The following NRG1 variants were observed in gnomAD, a reference collection of about 807,000 sequenced individuals.
NRG1 encodes the protein pro-neuregulin-1, membrane-bound isoform.
A neutral mutation model predicts 63.8 loss-of-function variants in NRG1; 18 were observed. The observed-to-expected ratio is 0.28, with a 90% CI of 0.19 to 0.42. The LOEUF is 0.42. NRG1 is among the 10% of genes least tolerant of loss of function. The pLI is 1.00. For synonymous variants in NRG1, 302 were observed against 301.3 expected, an observed-to-expected ratio of 1.00 and a Z score of -0.02; for missense variants, 762 against 814.7, an observed-to-expected ratio of 0.94 and a Z score of 0.79.
intron 1 of NRG1, among the ~76,000 whole-genome samples, chr8:32,395,613 T>TTG (rs1436313366): frequency 2.0e-5 from 3 of 152,102 alleles, no homozygotes; most frequent in Non-Finnish European, 4.4e-5. Flanking sequence ...TATAACTTTT[T>TTG]TTTTTTTTAC....
At chr8:31,797,563 A>T (rs1234599003) in intron 1 of NRG1, among the ~76,000 whole-genome samples, 2 of 152,236 alleles carry the variant, frequency 1.3e-5, no homozygotes, top group Non-Finnish European at 2.9e-5. Flanking sequence ...GGCTTCTCAA[A>T]AGGCTAAAAA....
chr8:32,560,359 G>A (rs2129526775), intron 1 of NRG1, among the ~76,000 whole-genome samples: 1 of 152,194 alleles, frequency 6.6e-6, no homozygotes, highest in South Asian at 2.1e-4. Flanking sequence ...CATAAATGCA[G>A]AGTTTAGCAT....
intron 1 of NRG1, among the ~76,000 whole-genome samples, chr8:32,385,119 A>C (rs1810832773): frequency 6.6e-6 from 1 of 152,098 alleles, no homozygotes; most frequent in Admixed American, 6.5e-5. Flanking sequence ...TCCCAGGTGC[A>C]TGCCATTCTC....
At chr8:32,168,152 C>T (rs188599098) in intron 1 of NRG1, among the ~76,000 whole-genome samples, 13 of 152,088 alleles carry the variant, frequency 8.5e-5, no homozygotes, top group Middle Eastern at 3.4e-3. Flanking sequence ...AGTGATGGGC[C>T]GGCATCATGG....
intron 1 of NRG1, among the ~76,000 whole-genome samples, chr8:32,376,550 A>G (rs1310736770): frequency 6.6e-6 from 1 of 152,170 alleles, no homozygotes; most frequent in Non-Finnish European, 1.5e-5. Flanking sequence ...TTTGGAATGG[A>G]GTTTATTGCC....
intron 11 of NRG1, chr8:32,763,152 C>G (rs1015664444): frequency 4.6e-6 from 7 of 1,517,040 alleles, no homozygotes; most frequent in East Asian, 2.3e-5. Context: ...AAATGAAAAG[C>G]ACACAAATGT....
chr8:32,034,681 G>T (rs1384080105), intron 1 of NRG1, among the ~76,000 whole-genome samples: 2 of 152,140 alleles, frequency 1.3e-5, no homozygotes, highest in Non-Finnish European at 2.9e-5. Context: ...TCTTGGGAGG[G>T]TGTATGTATC....
chr8:32,327,672 GT>G (rs1289569670), intron 1 of NRG1, among the ~76,000 whole-genome samples: 1 of 152,134 alleles, frequency 6.6e-6, no homozygotes, highest in Non-Finnish European at 1.5e-5. Context: ...TTCTTGTTTT[GT>G]TTTGTTGTTT....
chr8:32,151,276 G>C (rs1249607746), intron 1 of NRG1, among the ~76,000 whole-genome samples: 1 of 152,118 alleles, frequency 6.6e-6, no homozygotes, highest in Non-Finnish European at 1.5e-5. Context: ...GAAAATGTTT[G>C]AGATAAAGGC....
At chr8:31,684,404 G>C (rs1808650904) in intron 1 of NRG1, among the ~76,000 whole-genome samples, 1 of 152,164 alleles carries the variant, frequency 6.6e-6, no homozygotes, top group South Asian at 2.1e-4. Flanking sequence ...ATAGCATCAA[G>C]GTGCCATCTT....
At chr8:32,392,425 T>C (rs528024586) in intron 1 of NRG1, among the ~76,000 whole-genome samples, 145 of 152,240 alleles carry the variant, frequency 9.5e-4, no homozygotes, top group Non-Finnish European at 1.6e-3. Flanking sequence ...GGCAGTACTT[T>C]TTGAATGTTG....
chr8:32,011,150 G>A (rs574002309), intron 1 of NRG1, among the ~76,000 whole-genome samples: 1 of 152,096 alleles, frequency 6.6e-6, no homozygotes, highest in Admixed American at 6.6e-5. Context: ...TTCTCACCAC[G>A]ATGTCAGTAC....
At chr8:32,163,137 C>T (rs910763461) in intron 1 of NRG1, among the ~76,000 whole-genome samples, 2 of 152,142 alleles carry the variant, frequency 1.3e-5, no homozygotes, top group African/African-American at 2.4e-5. Context: ...ATTACAAGAG[C>T]GAGACAGGAA....
chr8:32,463,003 T>A (rs1308822266), intron 1 of NRG1, among the ~76,000 whole-genome samples: 2 of 152,100 alleles, frequency 1.3e-5, no homozygotes, highest in Non-Finnish European at 2.9e-5. Flanking sequence ...TACTCTCTGT[T>A]TCTATGTATT....
At chr8:32,725,851 A>G (rs1445632836) in intron 5 of NRG1, among the ~76,000 whole-genome samples, 1 of 152,158 alleles carries the variant, frequency 6.6e-6, no homozygotes, top group Non-Finnish European at 1.5e-5. Flanking sequence ...AGTTTTTTAC[A>G]TGAAAGGATA....
intron 1 of NRG1, among the ~76,000 whole-genome samples, chr8:31,934,129 A>G (rs1054296862): frequency 3.9e-5 from 6 of 152,170 alleles, no homozygotes; most frequent in Non-Finnish European, 8.8e-5. Context: ...ATATAAATAC[A>G]TCTAAAAGCT....
chr8:32,650,856 C>T (rs1854952426), intron 5 of NRG1, among the ~76,000 whole-genome samples: 1 of 151,916 alleles, frequency 6.6e-6, no homozygotes, highest in Non-Finnish European at 1.5e-5. Context: ...GGACTTTATT[C>T]TCCCGTTTCC....
At position 32,514,337 on chromosome 8, in the gene NRG1, T is replaced by C. The variant is rs1002945149; in HGVS notation, c.38-81491T>C. Among the ~76,000 whole-genome samples, 6 of 152,294 alleles carry C rather than the reference T, an allele frequency of 3.9e-5. No homozygotes were observed. The South Asian group carries it at 8.3e-4, about 21-fold the overall frequency. On this transcript the variant is annotated intron_variant, in intron 1 of 10. Coordinates refer to the NRG1 transcript ENST00000519301. ...ACTTTCATATCTTACTTGATACCTT[T>C]TGTAGTGCTTTACCATTTTCAAAGC...
At chr8:32,407,256 G>C (rs550139418) in intron 1 of NRG1, among the ~76,000 whole-genome samples, 1 of 120,346 alleles carries the variant, frequency 8.3e-6, no homozygotes, top group African/African-American at 3.1e-5. Context: ...ATATATATAT[G>C]TGTGTGTGTA....
Sources: allele counts gnomAD v4.1 joint callset (sites outside exome capture counted in the v4.1 genomes callset), GRCh38; gene constraint gnomAD v4.1.1; transcripts MANE v1.5; gene names NCBI Gene and HGNC (gene_info 2026-07-23, HGNC 2026-07-21).